Variants in PSTPIP1 observed in about 807,000 individuals in gnomAD.
PSTPIP1 encodes proline-serine-threonine phosphatase interacting protein 1.
Under a neutral mutation model 69.6 loss-of-function variants are expected in PSTPIP1, and 66 were observed. The ratio of observed to expected loss-of-function variants is 0.95; its 90% CI spans 0.78 to 1.16. PSTPIP1 has a LOEUF of 1.16. PSTPIP1 is among the 50% of genes most tolerant of loss of function. PSTPIP1 has a pLI of 0.00. For synonymous variants in PSTPIP1, 266 were observed against 222.7 expected (o/e 1.19, Z -1.73); for missense variants, 603 against 557.4 (o/e 1.08, Z -0.82).
rs1266190340 is a variant in PSTPIP1, at chr15:76,995,317, C to T, written c.-257C>T. ...GGGCTGGGCTGGACACCAGGGCCCG[C>T]CCTCCCATCACTGAGCTCCACTCCT... On this transcript the variant is annotated 5_prime_UTR_variant, in exon 1 of 15. Coordinates refer to ENST00000558012, the MANE Select transcript of PSTPIP1 (RefSeq NM_003978.5). 2.7e-5 allele frequency: 38 copies of T among 1,391,700 alleles called. No homozygotes were observed. The highest frequency in any genetic ancestry group is 2.8e-5 in the Non-Finnish European group (30 of 1,072,088). The allele number at this position is 1,391,700 out of a possible 1,614,324, so 86.2% of individuals were successfully genotyped here. A position where few individuals can be genotyped will look rare whatever the true frequency, so the allele number is the denominator to read the frequency against.
chr15:77,020,838 G>A (rs1038889783), intron 3 of PSTPIP1, among the ~76,000 whole-genome samples: 1 of 148,234 alleles, frequency 6.7e-6, no homozygotes, highest in Non-Finnish European at 1.5e-5. Flanking sequence ...AGCAGTGGCC[G>A]TGGACCTGTT....
At chr15:77,001,852 G>A (rs775598661) in intron 1 of PSTPIP1, among the ~76,000 whole-genome samples, 1 of 152,238 alleles carries the variant, frequency 6.6e-6, no homozygotes, top group African/African-American at 2.4e-5. Context: ...GTGGTTGCCT[G>A]TTGGGAGAAT....
At position 77,028,596 on chromosome 15, in the gene PSTPIP1, G is replaced by T. The variant is rs781516273; in HGVS notation, c.460G>T (p.Ala154Ser). The change falls in exon 7 of 15, where the codon GCG becomes TCG. Residue 154 changes from alanine to serine, a missense_variant. Coordinates refer to ENST00000558012, the MANE Select transcript of PSTPIP1 (RefSeq NM_003978.5). ...GCAGAAGTGCCGGGACGCGGACGAC[G>T]CGGAGCAGGCCTTCGAGCGCATTAG... ...YEQKCRDADD[A>S]EQAFERISAN... 4 of 1,603,036 alleles carry T rather than the reference G, an allele frequency of 2.5e-6. No individual in the cohort carries two copies.
chr15:77,028,313 G>T, intron 6 of PSTPIP1: 1 of 509,396 alleles, frequency 2.0e-6, no homozygotes. Context: ...CCCAGGAGGC[G>T]GGGCCCGGGG....
At position 77,021,089 on chromosome 15, in the gene PSTPIP1, C is replaced by T. The variant is rs568657995; in HGVS notation, c.212+2558C>T. ...GGAAGGCTAGGAACAGGGTGCAGAACGAGGACAAAAGCCAGGTGGTTAAGT... is the reference window on the plus strand; with the variant it reads ...GGAAGGCTAGGAACAGGGTGCAGAATGAGGACAAAAGCCAGGTGGTTAAGT... On this transcript the variant is annotated intron_variant, in intron 3 of 14. Coordinates refer to ENST00000558012, the MANE Select transcript of PSTPIP1 (RefSeq NM_003978.5). Among the ~76,000 whole-genome samples, 11 of 152,258 alleles carry T rather than the reference C, an allele frequency of 7.2e-5. No individual in the cohort carries two copies. The South Asian group carries it at 1.9e-3, about 26-fold the overall frequency.
At chr15:77,005,042 G>A (rs900477311) in intron 1 of PSTPIP1, among the ~76,000 whole-genome samples, 3 of 152,160 alleles carry the variant, frequency 2.0e-5, no homozygotes, top group Non-Finnish European at 4.4e-5. Context: ...GTGCCTCCAT[G>A]TGGAACTTTA....
At position 77,011,721 on chromosome 15, in the gene PSTPIP1, G is replaced by A. The variant is rs571322405; in HGVS notation, c.37-6427G>A. On this transcript the variant is annotated intron_variant, in intron 1 of 14. Transcript: ENST00000558012. The stretch of plus-strand genomic sequence containing the variant: ...CAGTACTTGAGTCAGGGGACCCCTA[G>A]ACACCAAGTCCCTAGTTTAACAGGC... 4.6e-5 allele frequency among the ~76,000 whole-genome samples: 7 copies of A among 152,176 alleles called. No individual in the cohort carries two copies. In the East Asian group the frequency reaches 1.4e-3, roughly 29 times the overall value.
intron 1 of PSTPIP1, among the ~76,000 whole-genome samples, chr15:77,000,377 C>T (rs957704468): frequency 2.6e-5 from 4 of 151,964 alleles, no homozygotes; most frequent in Admixed American, 2.6e-4. Flanking sequence ...TCCCTACCCC[C>T]AGACCTGTCT....
intron 3 of PSTPIP1, among the ~76,000 whole-genome samples, chr15:77,022,108 G>A (rs2076172716): frequency 6.6e-6 from 1 of 152,230 alleles, no homozygotes; most frequent in African/African-American, 2.4e-5. Context: ...AAAATGCTGT[G>A]GTTTTCCTGT....
At chr15:76,999,340 A>G (rs2075648282) in intron 1 of PSTPIP1, 1 of 151,338 alleles carries the variant, frequency 6.6e-6, no homozygotes. Flanking sequence ...GGGCAGTGGC[A>G]CAATCTCAGC....
chr15:77,037,182 G>C lies in PSTPIP1; in HGVS notation c.*6G>C. 1.3e-6 allele frequency: 2 copies of C among 1,597,494 alleles called. No individual in the cohort carries two copies. Among genetic ancestry groups the C allele is most frequent in the Non-Finnish European group, 1.7e-6 (2 of 1,173,610 alleles). On this transcript the variant is annotated 3_prime_UTR_variant, in exon 15 of 15. Transcript: ENST00000558012. ...CCTACCTGGAGAAGCTTTGAGGAAG[G>C]GCCAGGAGCCCCTTCGGACCTGCCC...
intron 7 of PSTPIP1, 90 bp from the exon 8 acceptor site, chr15:77,029,439 G>T: frequency 6.8e-7 from 1 of 1,466,192 alleles, no homozygotes; most frequent in Non-Finnish European, 9.3e-7. Flanking sequence ...CAGGGTGGCC[G>T]GGGAAGCTTG....
Position 76,995,336 on chromosome 15 carries a change from C to T in PSTPIP1, c.-238C>T. The T allele has an allele frequency of 7.1e-7, 1 of 1,417,604 alleles. No homozygotes were observed. 87.8% of individuals were successfully genotyped at this position (1,417,604 alleles called of 1,614,324 possible). A position where few individuals can be genotyped will look rare whatever the true frequency, so the allele number is the denominator to read the frequency against. ...GGCCCGCCCTCCCATCACTGAGCTC[C>T]ACTCCTTCCTCATTTTGCTGCTGAT... On this transcript the variant is annotated 5_prime_UTR_variant, in exon 1 of 15. Coordinates refer to ENST00000558012, the MANE Select transcript of PSTPIP1 (RefSeq NM_003978.5).
intron 12 of PSTPIP1, 101 bp from the exon 13 acceptor site, chr15:77,035,407 G>T: frequency 8.8e-6 from 11 of 1,252,798 alleles, no homozygotes; most frequent in Non-Finnish European, 1.3e-5. Context: ...CCCTGGCAGA[G>T]CGCGTGCAGC....
rs572726029 is a variant in PSTPIP1 at position 77,029,592 on chromosome 15, C to T, written c.562+18C>T. The T allele has an allele frequency of 1.3e-6, 2 of 1,565,272 alleles. No individual in the cohort carries two copies. The highest frequency in any genetic ancestry group is 1.2e-5 in the South Asian group (1 of 85,014). ...CGAGGCAGGTATGTGGGCCTGGCTG[C>T]CCCGTCCGACCAGGGCGGAGGCCTG... On this transcript the variant is annotated intron_variant, in intron 8 of 14. Coordinates refer to ENST00000558012, the MANE Select transcript of PSTPIP1 (RefSeq NM_003978.5).
intron 5 of PSTPIP1, 47 bp downstream of exon 5, chr15:77,025,651 C>A (rs1295942236): frequency 6.8e-7 from 1 of 1,479,172 alleles, no homozygotes; most frequent in Non-Finnish European, 9.2e-7. Flanking sequence ...CATTGCCAGC[C>A]TCTCAGTTGC....
At chr15:77,032,186 G>A (rs549289076) in intron 10 of PSTPIP1, 112 bp from the exon 11 acceptor site, 14 of 1,058,826 alleles carry the variant, frequency 1.3e-5, no homozygotes, top group Admixed American at 4.4e-5. Flanking sequence ...ACCCCGAGCC[G>A]CGCACAATGG....
At chr15:77,001,721 C>T (rs2152665042) in intron 1 of PSTPIP1, among the ~76,000 whole-genome samples, 1 of 152,296 alleles carries the variant, frequency 6.6e-6, no homozygotes, top group South Asian at 2.1e-4. Flanking sequence ...AGCAGAGAGC[C>T]TGGCAGTGCA....
Position 77,032,617 on chromosome 15 carries a change from G to C in PSTPIP1, c.838+223G>C. On this transcript the variant is annotated intron_variant, in intron 11 of 14. Coordinates refer to ENST00000558012, the MANE Select transcript of PSTPIP1 (RefSeq NM_003978.5). ...CACTCAGAGGAAGAGGTGGGGATGG[G>C]GATTGAGGTGAGGAGCTCCCACGGC... 4 of 625,120 alleles carry C rather than the reference G, an allele frequency of 6.4e-6. No homozygotes were observed. In the South Asian group the frequency reaches 7.9e-5, roughly 12 times the overall value. 38.7% of individuals were successfully genotyped at this position (625,120 alleles called of 1,614,324 possible).
Sources: gnomAD v4.1 joint callset for allele counts (sites outside exome capture counted in the v4.1 genomes callset) on GRCh38, gnomAD v4.1.1 for gene constraint, MANE v1.5 for transcripts, NCBI Gene and HGNC (gene_info 2026-07-23, HGNC 2026-07-21) for gene names.